SHLD1: variants seen among roughly 807,000 people sequenced by gnomAD.
The protein encoded by SHLD1 is RINN1-REV7-interacting novel NHEJ regulator 3.
In SHLD1, 3 loss-of-function variants were observed where a neutral mutation model predicts 5.5. That is an observed-to-expected ratio of 0.54 (90% CI 0.25 to 1.40). The LOEUF (loss-of-function observed/expected upper bound fraction) is 1.40. SHLD1 is among the 40% of genes most tolerant of loss of function. The pLI is 0.15. For missense variants in SHLD1, 210 were observed against 244.4 expected (o/e 0.86, Z 0.94); for synonymous variants, 92 against 94.3 (o/e 0.98, Z 0.14).
In SHLD1 at chr20:5,762,229, G is replaced by A. The variant is rs3848828; in HGVS notation, c.-4-10633G>A. ...ATTGCACAACAGCCTGGGTGACAGAGTGAGACTCTGTCTCAGAAAAAAAAA... is the reference window on the plus strand; with the variant it reads ...ATTGCACAACAGCCTGGGTGACAGAATGAGACTCTGTCTCAGAAAAAAAAA... On this transcript the variant is annotated intron_variant, in intron 1 of 2. Transcript: ENST00000303142. Among the ~76,000 whole-genome samples, 604 of 151,576 alleles carry A rather than the reference G, an allele frequency of 4.0e-3. 18 individuals are homozygous for A. The highest frequency in any genetic ancestry group is 0.036 in the Admixed American group (549 of 15,206).
At position 5,803,934 on chromosome 20, in the gene SHLD1, G is replaced by C. The variant is rs566069479; in HGVS notation, c.178+30891G>C. Among the ~76,000 whole-genome samples the C allele has an allele frequency of 2.6e-5, 4 of 151,782 alleles. No homozygotes were observed. In the East Asian group the frequency reaches 7.8e-4, roughly 29 times the overall value. ...GAATGACGAAAGAGCAGGTGGTGTG[G>C]ACTTGCTATTTGGAGGTTGAGGGCC... On this transcript the variant is annotated intron_variant, in intron 2 of 2. Transcript: ENST00000303142.
intron 2 of SHLD1, among the ~76,000 whole-genome samples, chr20:5,840,709 A>G (rs1415573574): frequency 2.0e-5 from 3 of 152,236 alleles, no homozygotes; most frequent in Non-Finnish European, 2.9e-5. Flanking sequence ...CCTAAAAGCT[A>G]GGCCTAAAGT....
intron 2 of SHLD1, among the ~76,000 whole-genome samples, chr20:5,778,282 AGTT>A (rs1243303474): frequency 2.4e-5 from 3 of 123,650 alleles, no homozygotes; most frequent in African/African-American, 9.9e-5. Flanking sequence ...ATGCCTGGCT[AGTT>A]TTTTTTTTTT....
chr20:5,843,611 C>T (rs2087893531), intron 2 of SHLD1, among the ~76,000 whole-genome samples: 1 of 152,166 alleles, frequency 6.6e-6, no homozygotes, highest in Non-Finnish European at 1.5e-5. Flanking sequence ...TCAGGGTTTG[C>T]AGACCTCTCA....
intron 2 of SHLD1, among the ~76,000 whole-genome samples, chr20:5,844,799 A>ATATATATATTTTT (rs1460082835): frequency 3.9e-4 from 28 of 71,694 alleles, no homozygotes; most frequent in African/African-American, 1.2e-3. Context: ...ATATATATAT[A>ATATATATATTTTT]TTTTTTTTTT....
chr20:5,790,451 C>CTTT (rs71197798), intron 2 of SHLD1, among the ~76,000 whole-genome samples: 2 of 91,126 alleles, frequency 2.2e-5, no homozygotes, highest in South Asian at 3.9e-4. Flanking sequence ...TAAAGGATTT[C>CTTT]TTTTTTTTTT....
chr20:5,803,335 T>A (rs1307681458), intron 2 of SHLD1, among the ~76,000 whole-genome samples: 2 of 152,048 alleles, frequency 1.3e-5, no homozygotes, highest in African/African-American at 2.4e-5. Flanking sequence ...GCTAATTTTT[T>A]AAAAAAATTC....
At chr20:5,849,827 C>T (rs1410168410) in intron 2 of SHLD1, among the ~76,000 whole-genome samples, 11 of 150,584 alleles carry the variant, frequency 7.3e-5, no homozygotes, top group South Asian at 2.1e-4. Flanking sequence ...GGCGCGGTGG[C>T]GGGCGCCTGT....
chr20:5,818,583 T>TAGCTACCTACCAACC (rs2087567660), intron 2 of SHLD1, among the ~76,000 whole-genome samples: 1 of 152,124 alleles, frequency 6.6e-6, no homozygotes, highest in South Asian at 2.1e-4. Context: ...GGTTGGTTGG[T>TAGCTACCTACCAACC]AGGTAGGTCA....
intron 2 of SHLD1, among the ~76,000 whole-genome samples, chr20:5,847,724 T>G (rs1568529988): frequency 1.3e-5 from 2 of 152,222 alleles, no homozygotes; most frequent in Non-Finnish European, 1.5e-5. Context: ...CTTTAGTGTC[T>G]GACAATATCA....
intron 2 of SHLD1, among the ~76,000 whole-genome samples, chr20:5,796,696 G>T (rs537268546): frequency 6.6e-6 from 1 of 152,068 alleles, no homozygotes; most frequent in East Asian, 1.9e-4. Context: ...AGGCAGAGTG[G>T]CATGCGCATA....
At chr20:5,840,914 C>CTT (rs11481236) in intron 2 of SHLD1, among the ~76,000 whole-genome samples, 8 of 151,672 alleles carry the variant, frequency 5.3e-5, no homozygotes, top group African/African-American at 7.3e-5. Context: ...ATTGCTATTT[C>CTT]TTTTTTTTAA....
intron 2 of SHLD1, among the ~76,000 whole-genome samples, chr20:5,862,322 T>C (rs2088173999): frequency 6.6e-6 from 1 of 152,246 alleles, no homozygotes; most frequent in Non-Finnish European, 1.5e-5. Context: ...GTCTGCTGCT[T>C]GAACCCTGAA....
At chr20:5,825,155 T>C (rs1260616450) in intron 2 of SHLD1, among the ~76,000 whole-genome samples, 1 of 152,252 alleles carries the variant, frequency 6.6e-6, no homozygotes, top group African/African-American at 2.4e-5. Flanking sequence ...AAAATGAGCA[T>C]GCATATAATC....
intron 2 of SHLD1, among the ~76,000 whole-genome samples, chr20:5,816,089 G>GAAAAAA (rs141881349): frequency 1.9e-3 from 161 of 86,150 alleles, no homozygotes; most frequent in South Asian, 2.7e-3. Flanking sequence ...TCAAAAAAAC[G>GAAAAAA]AAAAAAAAAA....
At chr20:5,792,946 A>G (rs1159762905) in intron 2 of SHLD1, among the ~76,000 whole-genome samples, 1 of 152,202 alleles carries the variant, frequency 6.6e-6, no homozygotes, top group African/African-American at 2.4e-5. Flanking sequence ...AACTGCTGAG[A>G]TCACAGGCAT....
At chr20:5,847,864 G>A (rs952507487) in intron 2 of SHLD1, among the ~76,000 whole-genome samples, 3 of 152,136 alleles carry the variant, frequency 2.0e-5, no homozygotes, top group Non-Finnish European at 4.4e-5. Flanking sequence ...CATTCCCTTC[G>A]ATTCCATAAT....
chr20:5,802,385 G>T (rs141675808), intron 2 of SHLD1, among the ~76,000 whole-genome samples: 33 of 152,274 alleles, frequency 2.2e-4, no homozygotes, highest in African/African-American at 7.7e-4. Context: ...CTACCCACTA[G>T]CTCTGTGACT....
At chr20:5,856,121 A>G (rs1206340037) in intron 2 of SHLD1, among the ~76,000 whole-genome samples, 1 of 152,156 alleles carries the variant, frequency 6.6e-6, no homozygotes, top group Non-Finnish European at 1.5e-5. Flanking sequence ...CATGCCCTGG[A>G]TATTTGGGGC....
Sources: allele counts gnomAD v4.1 joint callset (sites outside exome capture counted in the v4.1 genomes callset), GRCh38; gene constraint gnomAD v4.1.1; transcripts MANE v1.5; gene names NCBI Gene and HGNC (gene_info 2026-07-23, HGNC 2026-07-21).